Variants in RAP1A observed in about 807,000 individuals in gnomAD.
RAP1A encodes RAP1A, member of RAS oncogene family, also known as ras-related protein Rap-1A.
RAP1A carries 6 observed loss-of-function variants against 26.4 expected under a neutral mutation model. The ratio of observed to expected loss-of-function variants is 0.23; its 90% CI spans 0.12 to 0.45. RAP1A has a LOEUF of 0.45. Ranked by LOEUF, RAP1A falls within the 20% of genes least tolerant of loss-of-function variation. RAP1A has a pLI of 0.99. For missense variants in RAP1A, 121 were observed against 217.2 expected (o/e 0.56, Z 2.78); for synonymous variants, 73 against 79.4 (o/e 0.92, Z 0.43).
chr1:111,552,369 C>T (rs1657300919), intron 1 of RAP1A, among the ~76,000 whole-genome samples: 1 of 152,214 alleles, frequency 6.6e-6, no homozygotes, highest in African/African-American at 2.4e-5. Context: ...AAGTCTGTCC[C>T]TCCTATGAAG....
chr1:111,660,356 G>A (rs1175258856), intron 1 of RAP1A, among the ~76,000 whole-genome samples: 1 of 152,112 alleles, frequency 6.6e-6, no homozygotes, highest in East Asian at 1.9e-4. Flanking sequence ...TTGATTTTAT[G>A]CAGTCTGAAA....
At chr1:111,642,520 C>T (rs1213962518) in intron 1 of RAP1A, among the ~76,000 whole-genome samples, 3 of 149,154 alleles carry the variant, frequency 2.0e-5, no homozygotes, top group African/African-American at 7.4e-5. Context: ...GACGGTGTCT[C>T]ACTGTCTCCC....
chr1:111,699,218 C>T (rs910932378), intron 4 of RAP1A, among the ~76,000 whole-genome samples: 5 of 152,156 alleles, frequency 3.3e-5, no homozygotes, highest in Non-Finnish European at 5.9e-5. Context: ...TTCACATACA[C>T]TGATTCAATC....
At chr1:111,631,018 A>T (rs2101103314) in intron 1 of RAP1A, among the ~76,000 whole-genome samples, 1 of 152,356 alleles carries the variant, frequency 6.6e-6, no homozygotes, top group African/African-American at 2.4e-5. Context: ...GGAAGGAATT[A>T]TGATTAGTAT....
chr1:111,706,091 G>C (rs770005398), intron 6 of RAP1A, among the ~76,000 whole-genome samples: 16 of 152,160 alleles, frequency 1.1e-4, no homozygotes, highest in Non-Finnish European at 1.8e-4. Context: ...AAAGCAGAGA[G>C]TTTATAAACG....
At chr1:111,692,511 A>T (rs968507030) in intron 2 of RAP1A, among the ~76,000 whole-genome samples, 1 of 152,162 alleles carries the variant, frequency 6.6e-6, no homozygotes, top group African/African-American at 2.4e-5. Context: ...CTCTCTAAAA[A>T]TGTAGCCCAC....
chr1:111,702,914 T>C (rs1294809452), intron 4 of RAP1A, among the ~76,000 whole-genome samples: 2 of 152,166 alleles, frequency 1.3e-5, no homozygotes, highest in Admixed American at 6.6e-5. Context: ...AAAATATTGC[T>C]ATGCCATGGG....
intron 4 of RAP1A, among the ~76,000 whole-genome samples, chr1:111,702,353 T>C (rs1332265165): frequency 6.6e-6 from 1 of 152,190 alleles, no homozygotes; most frequent in Non-Finnish European, 1.5e-5. Context: ...TTTTGTCTTA[T>C]ATTAACCTCC....
At chr1:111,646,182 C>T (rs1020645553) in intron 1 of RAP1A, among the ~76,000 whole-genome samples, 1 of 152,172 alleles carries the variant, frequency 6.6e-6, no homozygotes, top group East Asian at 1.9e-4. Context: ...CCCCTCATCA[C>T]TGCGAATTTG....
chr1:111,614,968 G>A, upstream of RAP1A, among the ~76,000 whole-genome samples: 1 of 152,226 alleles, frequency 6.6e-6, no homozygotes, highest in East Asian at 1.9e-4. Context: ...TCAGAGGAGG[G>A]CTCCACTTAG....
chr1:111,699,358 T>C (rs1045158652), intron 4 of RAP1A, among the ~76,000 whole-genome samples: 1 of 152,158 alleles, frequency 6.6e-6, no homozygotes, highest in African/African-American at 2.4e-5. Flanking sequence ...ATGGTTTTAC[T>C]CTAGGCTATG....
chr1:111,561,572 T>A (rs1395405922), intron 1 of RAP1A, among the ~76,000 whole-genome samples: 1 of 152,150 alleles, frequency 6.6e-6, no homozygotes, highest in Non-Finnish European at 1.5e-5. Flanking sequence ...AGTCTCCACA[T>A]CAAGGCCACA....
chr1:111,624,404 C>T (rs12133587), intron 1 of RAP1A, among the ~76,000 whole-genome samples: 22,941 of 152,118 alleles, frequency 0.15, 1,844 homozygotes, highest in African/African-American at 0.2. Flanking sequence ...TTAATATTAG[C>T]TCATTTACAT....
intron 6 of RAP1A, 106 bp from the exon 7 acceptor site, chr1:111,709,043 A>G (rs1571578898): frequency 1.5e-6 from 2 of 1,355,562 alleles, no homozygotes; most frequent in East Asian, 5.5e-5. Context: ...AAAAGAAAGA[A>G]GCAGAATGCA....
At chr1:111,584,186 T>C (rs1476813659) in intron 1 of RAP1A, among the ~76,000 whole-genome samples, 1 of 152,100 alleles carries the variant, frequency 6.6e-6, no homozygotes, top group East Asian at 1.9e-4. Context: ...CTGGCCACAA[T>C]TGATATTTCA....
Position 111,704,148 on chromosome 1 carries a change from A to AT in RAP1A, c.325-179dup, listed in dbSNP as rs71078091. On this transcript the variant is annotated intron_variant, in intron 5 of 7. Coordinates refer to ENST00000369709, the MANE Select transcript of RAP1A (RefSeq NM_002884.4). ...ATATCTATGTAGTAGGATCTCTTCC[A>AT]TTTTTTTTTTTTTTTTGTCTCTTCC... 0.12 allele frequency among the ~76,000 whole-genome samples: 16,357 copies of AT among 136,804 alleles called. 1,262 individuals carry two copies. Among genetic ancestry groups the AT allele is most frequent in the East Asian group, 0.21 (1,010 of 4,708 alleles). The allele number at this position is 136,804 out of a possible 152,430, so 89.7% of individuals were successfully genotyped here. A position where few individuals can be genotyped will look rare whatever the true frequency, so the allele number is the denominator to read the frequency against.
At chr1:111,698,354 A>T (rs928408668) in intron 4 of RAP1A, among the ~76,000 whole-genome samples, 1 of 152,124 alleles carries the variant, frequency 6.6e-6, no homozygotes, top group Non-Finnish European at 1.5e-5. Context: ...AGTTCACCGC[A>T]GTCTCCTGGG....
At position 111,679,114 on chromosome 1, in the gene RAP1A, A is replaced by G. The variant is rs1052658325; in HGVS notation, c.-27-12220A>G. ...GTTCCGGGTAAGATGGCCGAATAGG[A>G]ACAGCTCCGGTCTGCAGCTCCCAGA... is the stretch of plus-strand genomic sequence containing the variant. On this transcript the variant is annotated intron_variant, in intron 1 of 7. Transcript: ENST00000369709. Among the ~76,000 whole-genome samples, 3 of 152,178 alleles carry G rather than the reference A, an allele frequency of 2.0e-5. No homozygotes were observed. In the South Asian group the frequency reaches 6.2e-4, roughly 31 times the overall value.
chr1:111,706,211 T>C (rs930281687), intron 6 of RAP1A, among the ~76,000 whole-genome samples: 1 of 152,118 alleles, frequency 6.6e-6, no homozygotes, highest in Non-Finnish European at 1.5e-5. Flanking sequence ...TTCTTGAGAG[T>C]GGGGAGAATG....
Sources: allele counts gnomAD v4.1 joint callset (sites outside exome capture counted in the v4.1 genomes callset), GRCh38; gene constraint gnomAD v4.1.1; transcripts MANE v1.5; gene names NCBI Gene and HGNC (gene_info 2026-07-23, HGNC 2026-07-21).